PRELID2: variants seen among roughly 807,000 people sequenced by gnomAD.
PRELID2 encodes the protein PRELI domain containing 2.
In PRELID2, 25 loss-of-function variants were observed where a neutral mutation model predicts 28.4. The observed-to-expected ratio is 0.88, with a 90% confidence interval of 0.64 to 1.23. PRELID2 has a LOEUF of 1.23. Ranked by LOEUF, PRELID2 falls within the 50% of genes most tolerant of loss-of-function variation. The pLI is 0.00. For synonymous variants in PRELID2, 76 were observed against 71.6 expected, an observed-to-expected ratio of 1.06 and a Z score of -0.31; for missense variants, 201 against 214.4, an observed-to-expected ratio of 0.94 and a Z score of 0.39.
Position 145,783,568 on chromosome 5 carries a change from C to T in PRELID2, c.474+12874G>A, listed in dbSNP as rs145378280. On this transcript the variant is annotated intron_variant, in intron 5 of 6. Transcript: ENST00000683046. ...AGGACAGCTAATGAATAAATATCAA[C>T]TAAATCAATCTATCTGAGCACTCAA... Among the ~76,000 whole-genome samples, 99 of 152,226 alleles carry T rather than the reference C, an allele frequency of 6.5e-4. 1 individual carries two copies. In the East Asian group the frequency reaches 0.018, roughly 27 times the overall value.
intron 1 of PRELID2, among the ~76,000 whole-genome samples, chr5:145,630,097 G>A (rs1189201648): frequency 6.6e-6 from 1 of 150,720 alleles, no homozygotes; most frequent in East Asian, 2.0e-4. Context: ...GCTACTAAGT[G>A]AAAAGTGTGT....
At chr5:145,766,989 G>A (rs1330860674) in intron 5 of PRELID2, among the ~76,000 whole-genome samples, 1 of 152,134 alleles carries the variant, frequency 6.6e-6, no homozygotes, top group African/African-American at 2.4e-5. Flanking sequence ...AGGACAGGTG[G>A]CAGGAAAATA....
intron 1 of PRELID2, chr5:145,728,330 T>C: frequency 2.9e-6 from 1 of 341,634 alleles, no homozygotes; most frequent in South Asian, 3.3e-5. Context: ...CTATCTCTAT[T>C]TATCTCTATC....
chr5:145,320,686 T>A, the PRELID2 span, among the ~76,000 whole-genome samples: 1 of 152,192 alleles, frequency 6.6e-6, no homozygotes, highest in Non-Finnish European at 1.5e-5. Context: ...CTTTTTTCGA[T>A]CACTGTTAAT....
chr5:145,543,832 T>C (rs1181240466), intron 1 of PRELID2, among the ~76,000 whole-genome samples: 1 of 152,098 alleles, frequency 6.6e-6, no homozygotes, highest in Non-Finnish European at 1.5e-5. Flanking sequence ...GGCTTCACTT[T>C]TCTCCCAGAA....
the PRELID2 span, among the ~76,000 whole-genome samples, chr5:145,464,550 A>T: frequency 6.6e-6 from 1 of 152,188 alleles, no homozygotes; most frequent in Non-Finnish European, 1.5e-5. Context: ...CTCATTTCTC[A>T]TAGGGGATAG....
At chr5:145,382,673 A>C in the PRELID2 span, among the ~76,000 whole-genome samples, 1 of 152,144 alleles carries the variant, frequency 6.6e-6, no homozygotes, top group South Asian at 2.1e-4. Flanking sequence ...AAACCAGAGA[A>C]CTAATTACCA....
At chr5:145,375,470 G>A in the PRELID2 span, among the ~76,000 whole-genome samples, 1 of 152,126 alleles carries the variant, frequency 6.6e-6, no homozygotes, top group Non-Finnish European at 1.5e-5. Context: ...CAGGGGAATA[G>A]GACCCGTTTA....
At chr5:145,708,355 G>A (rs1183795195) in intron 1 of PRELID2, among the ~76,000 whole-genome samples, 1 of 151,670 alleles carries the variant, frequency 6.6e-6, no homozygotes, top group African/African-American at 2.4e-5. Flanking sequence ...GTGACCTTAA[G>A]CAAGTTGCTT....
At chr5:145,628,944 A>C (rs772183599) in intron 1 of PRELID2, among the ~76,000 whole-genome samples, 2 of 152,208 alleles carry the variant, frequency 1.3e-5, no homozygotes, top group African/African-American at 4.8e-5. Flanking sequence ...CTTGTAGCAC[A>C]TACAGAAAGT....
chr5:145,631,850 T>A (rs189205681), intron 1 of PRELID2, among the ~76,000 whole-genome samples: 1 of 152,316 alleles, frequency 6.6e-6, no homozygotes, highest in East Asian at 1.9e-4. Flanking sequence ...CATTACATAC[T>A]AGAGAAGAGA....
intron 1 of PRELID2, among the ~76,000 whole-genome samples, chr5:145,746,871 A>G (rs1053031405): frequency 6.6e-6 from 1 of 152,334 alleles, no homozygotes; most frequent in East Asian, 1.9e-4. Context: ...ACTCAGGATT[A>G]AGAAACTCCC....
chr5:145,741,783 T>TCA (rs1561568600), intron 1 of PRELID2, among the ~76,000 whole-genome samples: 1,393 of 34,730 alleles, frequency 0.04, 52 homozygotes, highest in East Asian at 0.25. Context: ...TAAAATTTAT[T>TCA]TATAAAGTAT....
intron 1 of PRELID2, among the ~76,000 whole-genome samples, chr5:145,495,769 A>G (rs1752304855): frequency 6.6e-6 from 1 of 152,216 alleles, no homozygotes; most frequent in South Asian, 2.1e-4. Flanking sequence ...AATTGTACTC[A>G]TTAGACTTTG....
intron 1 of PRELID2, among the ~76,000 whole-genome samples, chr5:145,507,703 A>C (rs371702959): frequency 1.3e-5 from 2 of 152,160 alleles, no homozygotes; most frequent in South Asian, 2.1e-4. Context: ...TTCCACAAGA[A>C]TTGCTTCAAG....
intron 1 of PRELID2, among the ~76,000 whole-genome samples, chr5:145,740,551 G>GAATA (rs70998030): frequency 0.83 from 102,082 of 122,578 alleles, 43,016 homozygotes; most frequent in East Asian, 0.89. Flanking sequence ...AACAACATGA[G>GAATA]AATATTCAAG....
the PRELID2 span, among the ~76,000 whole-genome samples, chr5:145,370,780 T>C: frequency 2.0e-5 from 3 of 151,910 alleles, no homozygotes; most frequent in Non-Finnish European, 2.9e-5. Flanking sequence ...GTTTGTTTCC[T>C]CTCTTATCTC....
chr5:145,259,348 G>C, the PRELID2 span, among the ~76,000 whole-genome samples: 1 of 152,136 alleles, frequency 6.6e-6, no homozygotes, highest in Non-Finnish European at 1.5e-5. Context: ...CTGACAGTTT[G>C]CATTCCTGCA....
Position 145,827,478 on chromosome 5 carries a change from C to T in PRELID2, c.76-4344G>A, listed in dbSNP as rs116370076. Reference sequence around the variant, plus strand: ...ACGAGCCAAGACATGCAGACTACAACGCTGCCATCTGTGAGGTCGGGGTGA... The same window carrying T: ...ACGAGCCAAGACATGCAGACTACAATGCTGCCATCTGTGAGGTCGGGGTGA... On this transcript the variant is annotated intron_variant, in intron 1 of 6. Coordinates refer to ENST00000683046, the MANE Select transcript of PRELID2 (RefSeq NM_205846.3). 5.5e-3 allele frequency among the ~76,000 whole-genome samples: 832 copies of T among 152,270 alleles called. 6 individuals are homozygous for T. Among genetic ancestry groups the T allele is most frequent in the African/African-American group, 0.019 (796 of 41,558 alleles).
Sources: gnomAD v4.1 joint callset for allele counts (sites outside exome capture counted in the v4.1 genomes callset) on GRCh38, gnomAD v4.1.1 for gene constraint, MANE v1.5 for transcripts, NCBI Gene and HGNC (gene_info 2026-07-23, HGNC 2026-07-21) for gene names.